BRWD1: variants seen among roughly 807,000 people sequenced by gnomAD.
BRWD1 encodes bromodomain and WD repeat domain containing 1.
A neutral mutation model predicts 251.2 loss-of-function variants in BRWD1; 82 were observed. The ratio of observed to expected loss-of-function variants is 0.33; its 90% confidence interval spans 0.27 to 0.39. The LOEUF (loss-of-function observed/expected upper bound fraction) is 0.39, where lower values mean the gene tolerates loss of function less well. BRWD1 is among the 10% of genes least tolerant of loss of function. The pLI, the probability that BRWD1 is intolerant of heterozygous loss-of-function variation, is 1.00. For missense variants in BRWD1, 2,233 were observed against 2,711.6 expected (o/e 0.82, Z 3.92); for synonymous variants, 918 against 902.8 (o/e 1.02, Z -0.30).
Position 39,199,551 on chromosome 21 carries a change from G to C in BRWD1, c.4865C>G (p.Ala1622Gly), listed in dbSNP as rs566840793. Residue 1622 changes from alanine to glycine, a missense_variant, in exon 40 of 41, where the codon GCT (alanine) becomes GGT (glycine). Physicochemically the swap from Ala to Gly is moderately conservative, Grantham distance 60. Transcript: ENST00000342449. ...CCTTAAGACTTTTCGGTTATTTCCA[G>C]CTCTGGCTTTTAGAATTTCACCAGT... is the stretch of plus-strand genomic sequence containing the variant. ...LETGEILKARAGNNRKVLRKC... is the reference protein window; with the variant it reads ...LETGEILKARGGNNRKVLRKC... The C allele has an allele frequency of 3.7e-5, 60 of 1,614,080 alleles. 1 individual carries two copies. The South Asian group carries it at 6.0e-4, about 16-fold the overall frequency.
At position 39,218,626 on chromosome 21, in the gene BRWD1, A is replaced by T; in HGVS notation, c.3417T>A (p.Ser1139=). The T allele has an allele frequency of 6.2e-7, 1 of 1,608,480 alleles. No homozygotes were observed. Among genetic ancestry groups the T allele is most frequent in the Non-Finnish European group, 8.5e-7 (1 of 1,178,662 alleles). ...ATTTCTCTAGCTCATCTGTTGTGAC[A>T]GAAATACTAGCTCCTAATTCTTCAG... The part of the protein sequence containing the change: ...DPPEELGASI[S]VTTDELEKLL... Residue 1139 remains serine, a synonymous_variant, in exon 30 of 41, where the codon TCT becomes TCA. Coordinates refer to ENST00000342449, the MANE Select transcript of BRWD1 (RefSeq NM_033656.4).
chr21:39,294,095 T>C (rs2035887964), intron 7 of BRWD1, 63 bp from the exon 8 acceptor site: 16 of 1,306,988 alleles, frequency 1.2e-5, no homozygotes, highest in Non-Finnish European at 1.5e-5. Context: ...ATTAAAAGAA[T>C]ACCTTTTATA....
chr21:39,246,561 G>A (rs2034196213), intron 21 of BRWD1, among the ~76,000 whole-genome samples: 1 of 152,168 alleles, frequency 6.6e-6, no homozygotes, highest in Non-Finnish European at 1.5e-5. Flanking sequence ...TGTCATGAAT[G>A]TTGATAAGCA....
chr21:39,206,767 T>G (rs964063203), intron 36 of BRWD1, among the ~76,000 whole-genome samples: 1 of 152,230 alleles, frequency 6.6e-6, no homozygotes, highest in Non-Finnish European at 1.5e-5. Flanking sequence ...TTGCATCCAG[T>G]AGCAGAAAGT....
upstream of BRWD1, chr21:39,313,773 G>A (rs1177452211): frequency 1.0e-5 from 4 of 391,346 alleles, no homozygotes; most frequent in Admixed American, 5.0e-5. Context: ...TCAGCTCTCT[G>A]CCTCCGGGGA....
Position 39,193,728 on chromosome 21 carries a change from A to C in BRWD1, c.*2531T>G. ...TTATCTTTTTCTCAAGAATACTACAAACTGACCCTAAACATTAAAGTACAC... is the reference window on the plus strand; with the variant it reads ...TTATCTTTTTCTCAAGAATACTACACACTGACCCTAAACATTAAAGTACAC... On this transcript the variant is annotated 3_prime_UTR_variant, in exon 41 of 41. Transcript: ENST00000342449. 6.1e-6 allele frequency: 6 copies of C among 985,552 alleles called. No individual in the cohort carries two copies. Among genetic ancestry groups the C allele is most frequent in the Non-Finnish European group, 7.2e-6 (6 of 829,690 alleles). 61.1% of individuals were successfully genotyped at this position (985,552 alleles called of 1,614,324 possible). A position where few individuals can be genotyped will look rare whatever the true frequency, so the allele number is the denominator to read the frequency against.
intron 36 of BRWD1, among the ~76,000 whole-genome samples, chr21:39,207,750 G>A (rs935929135): frequency 3.3e-5 from 5 of 152,250 alleles, no homozygotes; most frequent in South Asian, 2.1e-4. Flanking sequence ...AGAAACAGCC[G>A]AGCTGGCCAT....
intron 4 of BRWD1, among the ~76,000 whole-genome samples, chr21:39,301,108 G>C (rs542271126): frequency 6.6e-6 from 1 of 151,862 alleles, no homozygotes; most frequent in African/African-American, 2.4e-5. Context: ...GAACCCAGGA[G>C]GCAGAGCTTG....
At chr21:39,302,359 G>C (rs2036147168) in intron 4 of BRWD1, among the ~76,000 whole-genome samples, 1 of 152,186 alleles carries the variant, frequency 6.6e-6, no homozygotes, top group African/African-American at 2.4e-5. Context: ...TCCCATGGAA[G>C]TGGAGGAAAA....
chr21:39,319,400 C>T (rs1014993121), intron 1 of BRWD1, among the ~76,000 whole-genome samples: 14 of 152,314 alleles, frequency 9.2e-5, no homozygotes, highest in African/African-American at 3.1e-4. Context: ...CTCGTTCTTA[C>T]TTTGAAACAT....
rs1172535636 is a variant in BRWD1, at chr21:39,196,426, C to G, written c.6643G>C (p.Val2215Leu). ...AAATCCTCCCAGTCATTATCATCCA[C>G]ACTTAACCTAGGGCGTTTGCTTTGT... ...QRQSKRPRLS[V>L]DDNDWEDLDY... The change falls in exon 41 of 41, where the codon GTG becomes CTG. Residue 2215 changes from valine (V) to leucine (L), a missense_variant. Physicochemically the swap from Val to Leu is conservative, Grantham distance 32 (BLOSUM62 1). Transcript: ENST00000342449. The G allele has an allele frequency of 6.2e-7, 1 of 1,613,806 alleles. No individual in the cohort carries two copies. The highest frequency in any genetic ancestry group is 2.2e-5 in the East Asian group (1 of 44,868).
In BRWD1 at chr21:39,210,884, T is replaced by C; in HGVS notation, c.3946A>G (p.Ser1316Gly). ...KSIRATNYVE[S>G]NWKKQCKELV... ...TCCTTACACTGTTTCTTCCAGTTGCTTTCAACATAGTTCGTAGCTCTGATG... is the reference window on the plus strand; with the variant it reads ...TCCTTACACTGTTTCTTCCAGTTGCCTTCAACATAGTTCGTAGCTCTGATG... Residue 1316 changes from serine to glycine, a missense_variant, in exon 35 of 41, where the codon AGC (serine) becomes GGC (glycine). Ser to Gly is a moderately conservative substitution (Grantham distance 56). Around this residue, in one of 12 missense-constraint regions of BRWD1, gnomAD observed 167 missense variants for 183.2 expected, o/e 0.91. Transcript: ENST00000342449. 6.2e-7 allele frequency: 1 copy of C among 1,612,802 alleles called. No individual in the cohort carries two copies.
Position 39,312,878 on chromosome 21 carries a change from C to T in BRWD1, c.161G>A (p.Trp54Ter). Residue 54 changes from tryptophan to a stop codon, truncating the protein, a stop_gained, in exon 4 of 41, where the codon TGG becomes TAG. Transcript: ENST00000342449. LOFTEE classifies it high-confidence loss of function. ...GCTCCTGTTGTGCTCGTTGCCCTCC[C>T]AGTCCAATCTCTTCGGCAACAACTG... is the stretch of plus-strand genomic sequence containing the variant. ...QYQLLPKRLD[W>*]EGNEHNRSYE... 6.3e-7 allele frequency: 1 copy of T among 1,578,500 alleles called. No individual in the cohort carries two copies. Among genetic ancestry groups the T allele is most frequent in the Non-Finnish European group, 8.6e-7 (1 of 1,163,554 alleles).
At chr21:39,303,461 G>A (rs1170789922) in intron 4 of BRWD1, among the ~76,000 whole-genome samples, 1 of 139,300 alleles carries the variant, frequency 7.2e-6, no homozygotes, top group Admixed American at 7.8e-5. Context: ...AGAGGTTGCA[G>A]TAAGCCAAGA....
intron 36 of BRWD1, among the ~76,000 whole-genome samples, chr21:39,208,957 A>G (rs2146490102): frequency 6.7e-6 from 1 of 149,908 alleles, no homozygotes; most frequent in East Asian, 1.9e-4. Context: ...ATTAACAAAA[A>G]TTCTTAAGTT....
intron 4 of BRWD1, among the ~76,000 whole-genome samples, chr21:39,304,065 C>T (rs1163906488): frequency 6.9e-6 from 1 of 144,670 alleles, no homozygotes; most frequent in African/African-American, 2.6e-5. Flanking sequence ...CGCTTGAACC[C>T]GGGAGGCGGA....
intron 4 of BRWD1, among the ~76,000 whole-genome samples, chr21:39,301,283 C>T (rs1169914332): frequency 6.6e-6 from 1 of 152,136 alleles, no homozygotes; most frequent in Non-Finnish European, 1.5e-5. Flanking sequence ...TGTGAAATCC[C>T]CTCCTCATTT....
chr21:39,203,442 T>C (rs1387447068), intron 37 of BRWD1, among the ~76,000 whole-genome samples: 28 of 128,464 alleles, frequency 2.2e-4, no homozygotes, highest in African/African-American at 2.7e-4. Flanking sequence ...CTGGTTCTTT[T>C]TTTTTTTTTT....
intron 4 of BRWD1, among the ~76,000 whole-genome samples, chr21:39,309,214 A>T (rs1297724925): frequency 6.6e-6 from 1 of 151,510 alleles, no homozygotes; most frequent in Admixed American, 6.6e-5. Flanking sequence ...GTGGTGGCTC[A>T]CACCTGTAAT....
Sources: allele counts gnomAD v4.1 joint callset (sites outside exome capture counted in the v4.1 genomes callset), GRCh38; gene constraint gnomAD v4.1.1; regional missense constraint gnomAD v4.1.1; transcripts MANE v1.5; gene names NCBI Gene and HGNC (gene_info 2026-07-23, HGNC 2026-07-21).